HDAC8: variants seen among roughly 807,000 people sequenced by gnomAD.
HDAC8 encodes histone deacetylase 8.
HDAC8 carries 1 observed loss-of-function variant against 32.2 expected under a neutral mutation model. That is an observed-to-expected ratio of 0.03 (90% CI 0.01 to 0.15). The LOEUF is 0.15. Among genes scored for constraint, HDAC8 ranks in the 10% least tolerant of loss-of-function variants. The probability of loss-of-function intolerance (pLI) is 1.00; values close to 1 mark genes in which losing one functional copy is unlikely to be tolerated. For missense variants in HDAC8, 117 were observed against 300.0 expected, an observed-to-expected ratio of 0.39 and a Z score of 4.51; for synonymous variants, 108 against 113.9, an observed-to-expected ratio of 0.95 and a Z score of 0.33.
intron 10 of HDAC8, among the ~76,000 whole-genome samples, chrX:72,337,701 T>C (rs1427631782): frequency 4.5e-5 from 5 of 111,478 alleles, no homozygotes; most frequent in African/African-American, 1.6e-4. Context: ...CAGAGTATTT[T>C]GTTAATACTT....
intron 9 of HDAC8, among the ~76,000 whole-genome samples, chrX:72,419,435 T>C (rs1273916268): frequency 1.8e-5 from 2 of 111,934 alleles, no homozygotes; most frequent in Admixed American, 9.5e-5. Context: ...CATCTGATTT[T>C]GTGTAATGAC....
At chrX:72,422,230 ATTAT>A (rs1240048550) in intron 9 of HDAC8, among the ~76,000 whole-genome samples, 2 of 111,287 alleles carry the variant, frequency 1.8e-5, no homozygotes, top group African/African-American at 3.3e-5. Context: ...GTTTTTGGTC[ATTAT>A]TTATTTAAAA....
chrX:72,530,168 G>A (rs2050284535), intron 4 of HDAC8, among the ~76,000 whole-genome samples: 1 of 111,935 alleles, frequency 8.9e-6, no homozygotes. Flanking sequence ...ATGCTCCAAG[G>A]AGCCACAGCT....
At chrX:72,381,075 C>T (rs987183366) in intron 9 of HDAC8, among the ~76,000 whole-genome samples, 14 of 111,583 alleles carry the variant, frequency 1.3e-4, no homozygotes, top group Non-Finnish European at 2.3e-4. Context: ...AACATTATAT[C>T]GTGCAGGAGC....
At chrX:72,474,089 T>A in intron 7 of HDAC8, 3 of 734,471 alleles carry the variant, frequency 4.1e-6, no homozygotes, top group Non-Finnish European at 3.2e-6. Flanking sequence ...CCAGATTTTA[T>A]AAACACTCAT....
intron 4 of HDAC8, among the ~76,000 whole-genome samples, chrX:72,560,084 C>T (rs35270299): frequency 8.0e-5 from 9 of 112,559 alleles, no homozygotes; most frequent in African/African-American, 1.9e-4. Context: ...TCATTGAGAA[C>T]GGGCCATGAT....
chrX:72,437,505 C>G (rs1026505398), intron 9 of HDAC8, among the ~76,000 whole-genome samples: 1 of 111,183 alleles, frequency 9.0e-6, no homozygotes, highest in African/African-American at 3.3e-5. Flanking sequence ...CTTCACTCCC[C>G]TGAAAAGGGG....
intron 7 of HDAC8, among the ~76,000 whole-genome samples, chrX:72,487,395 G>C (rs782149108): frequency 9.0e-6 from 1 of 111,509 alleles, no homozygotes; most frequent in Non-Finnish European, 1.9e-5. Flanking sequence ...AGACTTCCTT[G>C]GGGGTGGGCA....
intron 4 of HDAC8, among the ~76,000 whole-genome samples, chrX:72,549,636 T>C (rs1241680596): frequency 8.9e-6 from 1 of 111,818 alleles, no homozygotes; most frequent in Non-Finnish European, 1.9e-5. Flanking sequence ...AATAGACATC[T>C]TCAATTAGAT....
intron 9 of HDAC8, among the ~76,000 whole-genome samples, chrX:72,389,344 TTC>T (rs199962546): frequency 0.059 from 6,593 of 112,167 alleles, 486 homozygotes; most frequent in African/African-American, 0.2. Context: ...GTTTTGTTTC[TTC>T]CCTCCATTAT....
intron 10 of HDAC8, among the ~76,000 whole-genome samples, chrX:72,339,897 T>C (rs1307801666): frequency 2.7e-5 from 3 of 112,052 alleles, no homozygotes; most frequent in African/African-American, 9.7e-5. Context: ...GGAATGTCGA[T>C]CCCTCCTGTC....
intron 10 of HDAC8, among the ~76,000 whole-genome samples, chrX:72,334,027 T>G (rs1332594383): frequency 2.7e-5 from 3 of 112,450 alleles, no homozygotes; most frequent in Non-Finnish European, 5.6e-5. Flanking sequence ...TTGGAGGCAA[T>G]TAAGAAAAAC....
At chrX:72,530,951 C>T (rs1283856278) in intron 4 of HDAC8, among the ~76,000 whole-genome samples, 1 of 111,760 alleles carries the variant, frequency 8.9e-6, no homozygotes, top group Non-Finnish European at 1.9e-5. Flanking sequence ...GGAAGAACAC[C>T]GTGAAGGTGA....
At chrX:72,530,970 C>T (rs781833551) in intron 4 of HDAC8, among the ~76,000 whole-genome samples, 3 of 111,970 alleles carry the variant, frequency 2.7e-5, no homozygotes, top group African/African-American at 9.7e-5. Context: ...GACAATTAAG[C>T]CGTGCCTTGA....
intron 7 of HDAC8, among the ~76,000 whole-genome samples, chrX:72,479,831 G>A (rs2048443919): frequency 8.9e-6 from 1 of 112,090 alleles, no homozygotes; most frequent in Non-Finnish European, 1.9e-5. Context: ...ACACCGGTTC[G>A]CCACTGCAAC....
intron 4 of HDAC8, among the ~76,000 whole-genome samples, chrX:72,519,358 A>C (rs2049910110): frequency 8.9e-6 from 1 of 111,971 alleles, no homozygotes; most frequent in Non-Finnish European, 1.9e-5. Context: ...ATTTATGTTT[A>C]ACTTCTTAAG....
In HDAC8 at chrX:72,329,936, A is replaced by G; in HGVS notation, c.*118T>C. ...TGATGCCCCTTGGAAATTTTCAGGAAGTAATTTCTTTCAAATTTTCCCTGC... is the reference window on the plus strand; with the variant it reads ...TGATGCCCCTTGGAAATTTTCAGGAGGTAATTTCTTTCAAATTTTCCCTGC... On this transcript the variant is annotated 3_prime_UTR_variant, in exon 11 of 11. Transcript: ENST00000373573. 1 of 893,843 alleles carries G rather than the reference A, an allele frequency of 1.1e-6. No homozygotes were observed. The highest frequency in any genetic ancestry group is 1.6e-6 in the Non-Finnish European group (1 of 621,663). The allele number at this position is 893,843 out of a possible 1,213,427, so 73.7% of individuals were successfully genotyped here.
At chrX:72,408,434 T>C (rs902604203) in intron 9 of HDAC8, among the ~76,000 whole-genome samples, 13 of 110,597 alleles carry the variant, frequency 1.2e-4, no homozygotes, top group African/African-American at 4.0e-4. Flanking sequence ...TGAGAGGAAG[T>C]CTCGTTCTGT....
At chrX:72,388,325 G>T (rs782566777) in intron 9 of HDAC8, among the ~76,000 whole-genome samples, 4 of 109,572 alleles carry the variant, frequency 3.7e-5, no homozygotes, top group Non-Finnish European at 7.6e-5. Context: ...TACCAGTCTA[G>T]ATGCGCTGAT....
Sources: gnomAD v4.1 joint callset for allele counts (sites outside exome capture counted in the v4.1 genomes callset) on GRCh38, gnomAD v4.1.1 for gene constraint, MANE v1.5 for transcripts, NCBI Gene and HGNC (gene_info 2026-07-23, HGNC 2026-07-21) for gene names.